BEND4: variants seen among roughly 807,000 people sequenced by gnomAD.
BEND4 encodes the protein BEN domain containing 4, also known as BEN domain-containing protein 4.
In BEND4, 27 loss-of-function variants were observed where a neutral mutation model predicts 54.7. The ratio of observed to expected loss-of-function variants is 0.49; its 90% CI spans 0.36 to 0.68. BEND4 has a LOEUF of 0.68. BEND4 is among the 30% of genes least tolerant of loss of function. The pLI is 0.00. For synonymous variants in BEND4, 327 were observed against 299.5 expected (o/e 1.09, Z -0.95); for missense variants, 702 against 697.2 (o/e 1.01, Z -0.08).
chr4:42,143,299 C>T (rs1720953338), intron 3 of BEND4, 129 bp downstream of exon 3: 3 of 849,926 alleles, frequency 3.5e-6, no homozygotes, highest in Non-Finnish European at 5.4e-6. Flanking sequence ...ACATCACTGG[C>T]CAAAAAACAA....
Position 42,120,158 on chromosome 4 carries a change from A to T in BEND4, c.1283T>A (p.Leu428His). The T allele has an allele frequency of 6.2e-7, 1 of 1,614,038 alleles. No homozygotes were observed. Among genetic ancestry groups the T allele is most frequent in the Non-Finnish European group, 8.5e-7 (1 of 1,179,892 alleles). ...TTTCCCAAGGCCGCATGAGTACTTA[A>T]GCTCATCGGTTGTGAAAACAAATCT... is the stretch of plus-strand genomic sequence containing the variant. ...LIRFVFTTDE[L>H]KYSCGLGKRK... Residue 428 changes from leucine (L) to histidine (H), a missense_variant, in exon 5 of 6, where the codon CTT becomes CAT. Transcript: ENST00000502486.
intron 2 of BEND4, among the ~76,000 whole-genome samples, chr4:42,149,893 C>T (rs547284214): frequency 2.0e-5 from 3 of 151,734 alleles, no homozygotes; most frequent in Non-Finnish European, 4.4e-5. Flanking sequence ...GGTAAATTTA[C>T]AGTGTATAAC....
At chr4:42,123,711 AAAAAAAC>A (rs1348078152) in intron 4 of BEND4, among the ~76,000 whole-genome samples, 92 of 151,358 alleles carry the variant, frequency 6.1e-4, no homozygotes, top group African/African-American at 2.1e-3. Flanking sequence ...AAAAAAAAAA[AAAAAAAC>A]AACTTTCCAG....
At position 42,126,187 on chromosome 4, in the gene BEND4, C is replaced by T. The variant is rs182192657; in HGVS notation, c.1055-513G>A. Among the ~76,000 whole-genome samples the T allele has an allele frequency of 3.3e-5, 5 of 152,282 alleles. No individual in the cohort carries two copies. In the East Asian group the frequency reaches 5.8e-4, roughly 18 times the overall value. On this transcript the variant is annotated intron_variant, in intron 3 of 5. Transcript: ENST00000502486. ...TTGGAAAGAATTTTTAGGCTCAGCACAATTCACTGAGAACTTTCAAGTCAA... is the reference window on the plus strand; with the variant it reads ...TTGGAAAGAATTTTTAGGCTCAGCATAATTCACTGAGAACTTTCAAGTCAA...
intron 3 of BEND4, among the ~76,000 whole-genome samples, chr4:42,142,866 G>A (rs1381576714): frequency 3.3e-5 from 5 of 152,066 alleles, no homozygotes; most frequent in Non-Finnish European, 7.4e-5. Context: ...TGCTAAAGAC[G>A]TTATGCTTGT....
Position 42,120,207 on chromosome 4 carries a change from T to C in BEND4, c.1234A>G (p.Arg412Gly). ...CTGATGAGGTATCGAAGGAGCCGTC[T>C]CCCATCTTTCTTTGAAGAATTTACA... is the stretch of plus-strand genomic sequence containing the variant. ...EAVNSSKKDG[R>G]RLLRYLIRFV... Residue 412 changes from arginine to glycine, a missense_variant, in exon 5 of 6, where the codon AGA becomes GGA. Physicochemically the swap from Arg to Gly is moderately radical, Grantham distance 125 (BLOSUM62 -2). Transcript: ENST00000502486. The C allele has an allele frequency of 6.2e-7, 1 of 1,613,966 alleles. No homozygotes were observed. Among genetic ancestry groups the C allele is most frequent in the Non-Finnish European group, 8.5e-7 (1 of 1,179,872 alleles).
At chr4:42,118,692 C>T (rs1039890767) in intron 5 of BEND4, among the ~76,000 whole-genome samples, 3 of 152,200 alleles carry the variant, frequency 2.0e-5, no homozygotes, top group African/African-American at 7.2e-5. Flanking sequence ...CCTTATTTGG[C>T]TCCTTTATAA....
At chr4:42,119,236 C>A (rs1335145114) in intron 5 of BEND4, among the ~76,000 whole-genome samples, 1 of 151,972 alleles carries the variant, frequency 6.6e-6, no homozygotes, top group Non-Finnish European at 1.5e-5. Context: ...ATTTCCTCAC[C>A]AGGAAAAATT....
At chr4:42,120,016 G>C in intron 5 of BEND4, 38 bp downstream of exon 5, 5 of 1,613,134 alleles carry the variant, frequency 3.1e-6, no homozygotes, top group Non-Finnish European at 4.2e-6. Flanking sequence ...GGTGAAATGA[G>C]ATCACAGATG....
chr4:42,146,907 T>A (rs999016037), intron 2 of BEND4, among the ~76,000 whole-genome samples: 9 of 152,198 alleles, frequency 5.9e-5, no homozygotes, highest in Non-Finnish European at 1.2e-4. Flanking sequence ...ATAAATCACA[T>A]TAGAGTATAG....
At chr4:42,149,364 G>A (rs752101900) in intron 2 of BEND4, among the ~76,000 whole-genome samples, 3 of 152,180 alleles carry the variant, frequency 2.0e-5, no homozygotes, top group Non-Finnish European at 2.9e-5. Flanking sequence ...GTCCATCAGT[G>A]ATTAATATTA....
intron 3 of BEND4, among the ~76,000 whole-genome samples, chr4:42,129,132 C>A (rs565610554): frequency 6.6e-6 from 1 of 151,992 alleles, no homozygotes; most frequent in African/African-American, 2.4e-5. Flanking sequence ...TTCCTATACA[C>A]CAATAACAGA....
intron 3 of BEND4, among the ~76,000 whole-genome samples, chr4:42,127,049 C>T (rs1340169704): frequency 1.3e-5 from 2 of 152,138 alleles, no homozygotes; most frequent in Admixed American, 1.3e-4. Context: ...CACCACCAAG[C>T]TTTCTAAATT....
At chr4:42,122,400 C>T (rs1312888644) in intron 4 of BEND4, among the ~76,000 whole-genome samples, 1 of 152,194 alleles carries the variant, frequency 6.6e-6, no homozygotes, top group Non-Finnish European at 1.5e-5. Context: ...CAATGCCAGA[C>T]TCTCAGGGTG....
At chr4:42,151,395 C>T (rs1024312963) in intron 2 of BEND4, 9 of 292,374 alleles carry the variant, frequency 3.1e-5, no homozygotes, top group African/African-American at 1.3e-4. Flanking sequence ...TCCTGGTCGC[C>T]GACTGCCACA....
intron 2 of BEND4, among the ~76,000 whole-genome samples, chr4:42,148,746 T>C (rs1400338980): frequency 6.6e-6 from 1 of 152,210 alleles, no homozygotes; most frequent in Non-Finnish European, 1.5e-5. Flanking sequence ...TGCAATTATA[T>C]AGGATTTATT....
chr4:42,119,822 A>G, intron 5 of BEND4: 1 of 494,038 alleles, frequency 2.0e-6, no homozygotes, highest in Non-Finnish European at 3.7e-6. Flanking sequence ...AGCGTGAAAC[A>G]TGAGGTGCTA....
chr4:42,145,627 G>C (rs1344639913), intron 2 of BEND4, among the ~76,000 whole-genome samples: 2 of 151,436 alleles, frequency 1.3e-5, no homozygotes, highest in African/African-American at 4.9e-5. Context: ...AGAAGACAGA[G>C]GTTGCAGTGA....
intron 3 of BEND4, among the ~76,000 whole-genome samples, chr4:42,129,199 G>A (rs560965988): frequency 5.9e-5 from 9 of 152,148 alleles, no homozygotes; most frequent in South Asian, 2.1e-4. Context: ...ATAAAATACC[G>A]AGGAAAACAA....
Sources: gnomAD v4.1 joint callset for allele counts (sites outside exome capture counted in the v4.1 genomes callset) on GRCh38, gnomAD v4.1.1 for gene constraint, MANE v1.5 for transcripts, NCBI Gene and HGNC (gene_info 2026-07-23, HGNC 2026-07-21) for gene names.